The following PIK3C2G variants were observed in gnomAD, a reference collection of about 807,000 sequenced individuals.
PIK3C2G encodes phosphatidylinositol 3-kinase C2 domain-containing subunit gamma.
A neutral mutation model predicts 181.1 loss-of-function variants in PIK3C2G; 168 were observed. That is an observed-to-expected ratio of 0.93 (90% CI 0.82 to 1.05). The LOEUF is 1.05. Among genes scored for constraint, PIK3C2G ranks in the 50% least tolerant of loss-of-function variants. The pLI is 0.00. For synonymous variants in PIK3C2G, 573 were observed against 592.2 expected (o/e 0.97, Z 0.47); for missense variants, 1,869 against 1,732.8 (o/e 1.08, Z -1.40).
Position 18,529,579 on chromosome 12 carries a change from G to C in PIK3C2G, c.3324-8577G>C, listed in dbSNP as rs183209388. 1.7e-3 allele frequency among the ~76,000 whole-genome samples: 261 copies of C among 152,148 alleles called. 3 individuals are homozygous for C. The highest frequency in any genetic ancestry group is 2.2e-4 in the Non-Finnish European group (15 of 67,992). ...TTTTGTTTTTAAATAGCTTATGTAG[G>C]TAACACTTGAAAATCAAACATCATT... On this transcript the variant is annotated intron_variant, in intron 24 of 32. Transcript: ENST00000538779.
intron 31 of PIK3C2G, among the ~76,000 whole-genome samples, chr12:18,619,194 T>A (rs971211177): frequency 2.6e-5 from 4 of 151,850 alleles, no homozygotes; most frequent in African/African-American, 9.7e-5. Context: ...TATGGAGGAA[T>A]AGTGAAATAA....
chr12:18,413,787 T>A (rs61567135), intron 16 of PIK3C2G, among the ~76,000 whole-genome samples: 3,862 of 152,226 alleles, frequency 0.025, 139 homozygotes, highest in African/African-American at 0.083. Flanking sequence ...CAAGCAAATC[T>A]AATAAAGCAG....
At chr12:18,528,076 A>C (rs1218392362) in intron 24 of PIK3C2G, among the ~76,000 whole-genome samples, 1 of 151,932 alleles carries the variant, frequency 6.6e-6, no homozygotes, top group African/African-American at 2.4e-5. Flanking sequence ...TAGTACATGC[A>C]CTCTCATGTT....
chr12:18,579,663 C>T (rs1946397616), intron 29 of PIK3C2G, among the ~76,000 whole-genome samples: 1 of 152,154 alleles, frequency 6.6e-6, no homozygotes, highest in African/African-American at 2.4e-5. Flanking sequence ...TCCATATCCA[C>T]CTGGCTTGTC....
intron 5 of PIK3C2G, among the ~76,000 whole-genome samples, chr12:18,303,115 C>CTTTCTTTCTTTCTTTCT (rs1950253330): frequency 1.8e-4 from 24 of 136,600 alleles, no homozygotes; most frequent in South Asian, 2.5e-4. Flanking sequence ...TCTTTCTTTC[C>CTTTCTTTCTTTCTTTCT]TTCTTTCTTT....
intron 11 of PIK3C2G, chr12:18,358,709 G>T (rs1420104073): frequency 2.1e-6 from 1 of 466,568 alleles, no homozygotes; most frequent in Non-Finnish European, 4.2e-6. Flanking sequence ...ACCAAAGAAA[G>T]AGCTTCAGCC....
At chr12:18,280,001 C>T (rs778787625) in intron 1 of PIK3C2G, among the ~76,000 whole-genome samples, 5 of 151,822 alleles carry the variant, frequency 3.3e-5, no homozygotes, top group Admixed American at 2.0e-4. Context: ...AATTGCATTG[C>T]AACAAAAGAT....
intron 1 of PIK3C2G, among the ~76,000 whole-genome samples, chr12:18,280,924 G>A (rs527505684): frequency 1.8e-4 from 27 of 152,060 alleles, no homozygotes; most frequent in African/African-American, 6.0e-4. Context: ...TGGATTATTG[G>A]ATATAGAAGA....
intron 29 of PIK3C2G, among the ~76,000 whole-genome samples, chr12:18,581,569 C>G (rs1205775836): frequency 6.6e-6 from 1 of 152,172 alleles, no homozygotes; most frequent in African/African-American, 2.4e-5. Context: ...TATGGACTGA[C>G]AAGCTTGCAC....
chr12:18,282,026 A>C lies in PIK3C2G; in HGVS notation c.-56A>C, dbSNP rs1227720477. 2 of 971,280 alleles carry C rather than the reference A, an allele frequency of 2.1e-6. No individual in the cohort carries two copies. 60.2% of individuals were successfully genotyped at this position (971,280 alleles called of 1,614,324 possible). A position where few individuals can be genotyped will look rare whatever the true frequency, so the allele number is the denominator to read the frequency against. ...TAGGAAAATTTCTATCTTCTTTTGT[A>C]TTATCAAGGAGATATTTGGAGCAGA... On this transcript the variant is annotated 5_prime_UTR_variant, in exon 2 of 33. Coordinates refer to ENST00000538779, the MANE Select transcript of PIK3C2G (RefSeq NM_001288772.2).
the PIK3C2G span, among the ~76,000 whole-genome samples, chr12:18,685,121 T>G: frequency 1.1e-4 from 17 of 152,182 alleles, no homozygotes; most frequent in Middle Eastern, 3.4e-3. Context: ...AGTCTTATTA[T>G]GGGAAGAGTT....
chr12:18,269,374 C>T (rs971715021), intron 1 of PIK3C2G, among the ~76,000 whole-genome samples: 22 of 152,032 alleles, frequency 1.4e-4, no homozygotes, highest in African/African-American at 5.3e-4. Context: ...GCCACTAGAA[C>T]AGCAATAGAT....
intron 32 of PIK3C2G, among the ~76,000 whole-genome samples, chr12:18,641,802 T>C (rs1949856298): frequency 7.1e-6 from 1 of 140,486 alleles, no homozygotes; most frequent in South Asian, 2.3e-4. Context: ...CAGGCTGGAG[T>C]GCAGTGGCGC....
intron 3 of PIK3C2G, among the ~76,000 whole-genome samples, chr12:18,290,397 T>C (rs920530314): frequency 1.3e-5 from 2 of 152,152 alleles, no homozygotes; most frequent in Non-Finnish European, 2.9e-5. Flanking sequence ...GAGACAAAAA[T>C]AGTGTTTACA....
At chr12:18,470,450 C>T (rs932948482) in intron 18 of PIK3C2G, among the ~76,000 whole-genome samples, 1 of 152,064 alleles carries the variant, frequency 6.6e-6, no homozygotes, top group African/African-American at 2.4e-5. Context: ...CAGCCCCATG[C>T]GGTTAGGGCT....
intron 11 of PIK3C2G, among the ~76,000 whole-genome samples, chr12:18,353,920 C>T (rs1436701871): frequency 6.6e-6 from 1 of 152,156 alleles, no homozygotes; most frequent in Non-Finnish European, 1.5e-5. Context: ...ATTATGCACA[C>T]CTGTAAGTGT....
At chr12:18,474,326 A>C (rs1296781187) in intron 18 of PIK3C2G, among the ~76,000 whole-genome samples, 1 of 152,110 alleles carries the variant, frequency 6.6e-6, no homozygotes, top group Non-Finnish European at 1.5e-5. Flanking sequence ...TCAAGGCCTT[A>C]AAACTGATAC....
At chr12:18,272,743 G>A (rs1045805668) in intron 1 of PIK3C2G, among the ~76,000 whole-genome samples, 1 of 152,096 alleles carries the variant, frequency 6.6e-6, no homozygotes, top group African/African-American at 2.4e-5. Context: ...TTAGCTCACA[G>A]GTTCTATTGA....
At chr12:18,284,779 G>C (rs921409866) in intron 2 of PIK3C2G, among the ~76,000 whole-genome samples, 3 of 151,880 alleles carry the variant, frequency 2.0e-5, no homozygotes, top group Non-Finnish European at 4.4e-5. Flanking sequence ...GGAAAGAACA[G>C]GGGAAAAAAT....
Sources: allele counts gnomAD v4.1 joint callset (sites outside exome capture counted in the v4.1 genomes callset), GRCh38; gene constraint gnomAD v4.1.1; transcripts MANE v1.5; gene names NCBI Gene and HGNC (gene_info 2026-07-23, HGNC 2026-07-21).